The following ENO3 variants were observed in gnomAD, a reference collection of about 807,000 sequenced individuals.
The protein encoded by ENO3 is beta-enolase.
In ENO3, 46 loss-of-function variants were observed where a neutral mutation model predicts 47.7. That is an observed-to-expected ratio of 0.96 (90% CI 0.76 to 1.23). The LOEUF is 1.23. Among genes scored for constraint, ENO3 ranks in the 50% most tolerant of loss-of-function variants. The pLI is 0.00. For missense variants in ENO3, 575 were observed against 566.2 expected (o/e 1.02, Z -0.16); for synonymous variants, 223 against 225.9 (o/e 0.99, Z 0.11).
intron 5 of ENO3, 149 bp from the exon 6 acceptor site, chr17:4,953,563 G>A (rs1010490103): frequency 6.7e-6 from 10 of 1,487,864 alleles, no homozygotes; most frequent in South Asian, 1.2e-5. Flanking sequence ...CCCCGGGGTG[G>A]GGGTTCCCAG....
upstream of ENO3, chr17:4,950,104 G>A (rs985788360): frequency 7.9e-5 from 12 of 152,068 alleles, no homozygotes; most frequent in Non-Finnish European, 1.5e-4. Flanking sequence ...GGGCGGCGGG[G>A]GTGAGTCACC....
rs371775211 is a variant in ENO3, at chr17:4,951,335, G to A, written c.-3+153G>A. 78 of 965,758 alleles carry A rather than the reference G, an allele frequency of 8.1e-5. No individual in the cohort carries two copies. The South Asian group carries it at 2.5e-3, about 31-fold the overall frequency. 59.8% of individuals were successfully genotyped at this position (965,758 alleles called of 1,614,324 possible). On this transcript the variant is annotated intron_variant, in intron 1 of 11. Coordinates refer to ENST00000519602, the MANE Select transcript of ENO3 (RefSeq NM_053013.4). ...GAAGGGGCGGCTGGAGCAAGCAGAT[G>A]GGACAAACTCTGGGAACACCGAAGG...
At position 4,956,612 on chromosome 17, in the gene ENO3, G is replaced by T; in HGVS notation, c.1107G>T (p.Val369=). ...LAQSNGWGVM[V]SHRSGETEDT... ...AGTCTAATGGCTGGGGGGTGATGGT[G>T]AGCCACCGCTCTGGGGAGACTGAGG... is the stretch of plus-strand genomic sequence containing the variant. Residue 369 remains valine, a synonymous_variant, in exon 10 of 12, where the codon GTG becomes GTT. Transcript: ENST00000519602. 1 of 1,614,164 alleles carries T rather than the reference G, an allele frequency of 6.2e-7. No homozygotes were observed. Among genetic ancestry groups the T allele is most frequent in the South Asian group, 1.1e-5 (1 of 91,080 alleles).
At chr17:4,951,638 G>T (rs758167899) in intron 1 of ENO3, 190 bp from the exon 2 acceptor site, 2 of 632,290 alleles carry the variant, frequency 3.2e-6, no homozygotes, top group East Asian at 6.0e-5. Context: ...TAGGATGGGA[G>T]GGTGGAATAA....
Position 4,956,596 on chromosome 17 carries a change from G to A in ENO3, c.1091G>A (p.Gly364Asp). Residue 364 changes from glycine to aspartate, a missense_variant, in exon 10 of 12, where the codon GGC becomes GAC. Gly to Asp is a moderately conservative substitution (Grantham distance 94). Transcript: ENST00000519602. Reference sequence around the variant, plus strand: ...AGGTGCAAACTGGCTCAGTCTAATGGCTGGGGGGTGATGGTGAGCCACCGC... The same window carrying A: ...AGGTGCAAACTGGCTCAGTCTAATGACTGGGGGGTGATGGTGAGCCACCGC... ...IQACKLAQSN[G>D]WGVMVSHRSG... 1 of 1,614,174 alleles carries A rather than the reference G, an allele frequency of 6.2e-7. No individual in the cohort carries two copies. Among genetic ancestry groups the A allele is most frequent in the Non-Finnish European group, 8.5e-7 (1 of 1,180,036 alleles).
At position 4,955,610 on chromosome 17, in the gene ENO3, G is replaced by T; in HGVS notation, c.865+6G>T. 1 of 1,614,216 alleles carries T rather than the reference G, an allele frequency of 6.2e-7. No homozygotes were observed. The highest frequency in any genetic ancestry group is 8.5e-7 in the Non-Finnish European group (1 of 1,180,032). On this transcript the variant is annotated splice_donor_region_variant and intron_variant, in intron 8 of 11. Transcript: ENST00000519602. ...CTTTATCAAGAACTATCCTGGTGAG[G>T]CGTTCGGGTGTCCCAGTGTTCCTGC...
rs1482770347 is a variant in ENO3 at position 4,956,437 on chromosome 17, A to G, written c.1068-136A>G. On this transcript the variant is annotated intron_variant, in intron 9 of 11. Coordinates refer to ENST00000519602, the MANE Select transcript of ENO3 (RefSeq NM_053013.4). ...ATCAAGATAAGTCTTTTCCTCTCCT[A>G]CTTCCCAAAGAACTTAGTCACTGCC... 11 of 896,190 alleles carry G rather than the reference A, an allele frequency of 1.2e-5. 1 individual carries two copies. Among genetic ancestry groups the G allele is most frequent in the South Asian group, 1.2e-4 (9 of 74,594 alleles). 55.5% of individuals were successfully genotyped at this position (896,190 alleles called of 1,614,324 possible).
chr17:4,952,639 T>G (rs1971576437), intron 2 of ENO3, among the ~76,000 whole-genome samples, 156 bp from the exon 3 acceptor site: 1 of 151,992 alleles, frequency 6.6e-6, no homozygotes, highest in Non-Finnish European at 1.5e-5. Context: ...AATTTTTGTA[T>G]TTTTAGCAGA....
chr17:4,956,250 C>CACCTGACTTACCCACACCTTG, intron 9 of ENO3, 107 bp downstream of exon 9: 2 of 1,325,702 alleles, frequency 1.5e-6, no homozygotes, highest in Non-Finnish European at 2.1e-6. Context: ...TTTCCCCTGG[C>CACCTGACTTACCCACACCTTG]ACCTGACTTA....
Position 4,956,849 on chromosome 17 carries a change from T to C in ENO3, c.1195T>C (p.Cys399Arg). The stretch of plus-strand genomic sequence containing the variant: ...TCATCAGATCAAGACTGGCGCCCCC[T>C]GCCGCTCGGAGCGTCTGGCCAAATA... Reference protein sequence around the residue: ...CTGQIKTGAPCRSERLAKYNQ... With the variant: ...CTGQIKTGAPRRSERLAKYNQ... Residue 399 changes from cysteine to arginine, a missense_variant, in exon 11 of 12, where the codon TGC becomes CGC. Physicochemically the swap from Cys to Arg is radical, Grantham distance 180. Coordinates refer to ENST00000519602, the MANE Select transcript of ENO3 (RefSeq NM_053013.4). 1.9e-6 allele frequency: 3 copies of C among 1,614,202 alleles called. No homozygotes were observed. Among genetic ancestry groups the C allele is most frequent in the South Asian group, 2.2e-5 (2 of 91,086 alleles).
rs770788289 is a variant in ENO3, at chr17:4,955,221, G to C, written c.591G>C (p.Lys197Asn). Residue 197 changes from lysine to asparagine, a missense_variant, in exon 7 of 12, where the codon AAG (lysine) becomes AAC (asparagine). Lys to Asn is a moderately conservative substitution (Grantham distance 94). Transcript: ENST00000519602. ...ACCACCACCTCAAGGGGGTCATCAA[G>C]GCCAAGTATGGGAAGGATGCCACCA... is the stretch of plus-strand genomic sequence containing the variant. ...EVYHHLKGVI[K>N]AKYGKDATNV... 1 of 1,614,286 alleles carries C rather than the reference G, an allele frequency of 6.2e-7. No homozygotes were observed. The highest frequency in any genetic ancestry group is 8.5e-7 in the Non-Finnish European group (1 of 1,180,054).
intron 6 of ENO3, 167 bp downstream of exon 6, chr17:4,954,012 A>AGGCT: frequency 9.6e-7 from 1 of 1,043,756 alleles, no homozygotes; most frequent in East Asian, 2.6e-5. Flanking sequence ...CTCTTCCACA[A>AGGCT]TCCAAACCTT....
In ENO3 at chr17:4,956,814, T is replaced by C. The variant is rs2151144779; in HGVS notation, c.1177-17T>C. 2 of 1,614,072 alleles carry C rather than the reference T, an allele frequency of 1.2e-6. No homozygotes were observed. The highest frequency in any genetic ancestry group is 1.7e-6 in the Non-Finnish European group (2 of 1,179,980). On this transcript the variant is annotated splice_polypyrimidine_tract_variant and intron_variant, in intron 10 of 11. Transcript: ENST00000519602. ...TCCAGCCTCACCTAACCCTCCAAAT[T>C]CTTCTTCCCTCATCAGATCAAGACT...
chr17:4,954,092 G>C (rs921449276), intron 6 of ENO3: 1 of 609,184 alleles, frequency 1.6e-6, no homozygotes. Flanking sequence ...TCCTAGGCTC[G>C]ATAACTCCAG....
intron 1 of ENO3, 119 bp from the exon 2 acceptor site, chr17:4,951,709 G>C (rs1388049455): frequency 6.4e-6 from 7 of 1,100,260 alleles, no homozygotes; most frequent in Non-Finnish European, 9.7e-6. Flanking sequence ...CCTTTTTGTA[G>C]GGTATTTTTA....
At chr17:4,952,343 A>ATT (rs11310549) in intron 2 of ENO3, 7,392 of 251,126 alleles carry the variant, frequency 0.029, 3 homozygotes, top group South Asian at 0.037. Context: ...CGCCCAGCTA[A>ATT]TTTTTTTTTT....
Position 4,955,412 on chromosome 17 carries a change from G to C in ENO3, c.673G>C (p.Glu225Gln). The change falls in exon 8 of 12, where the codon GAG (glutamate) becomes CAG (glutamine). Residue 225 changes from glutamate (E) to glutamine (Q), a missense_variant. By Grantham distance (29) the Glu-to-Gln change is conservative. Transcript: ENST00000519602. ...PNILENNEAL[E>Q]LLKTAIQAAG... ...CTTTCTTGGTCCTCCCCCAGCCCTG[G>C]AGCTGCTGAAGACGGCCATCCAGGC... 1 of 1,614,200 alleles carries C rather than the reference G, an allele frequency of 6.2e-7. No homozygotes were observed. The highest frequency in any genetic ancestry group is 8.5e-7 in the Non-Finnish European group (1 of 1,180,008).
rs541647294 is a variant in ENO3, at chr17:4,955,439, G to T, written c.700G>T (p.Ala234Ser). ...GCTGCTGAAGACGGCCATCCAGGCG[G>T]CTGGTTACCCAGACAAGGTGGTGAT... ...LELLKTAIQA[A>S]GYPDKVVIGM... The change falls in exon 8 of 12, where the codon GCT becomes TCT. Residue 234 changes from alanine to serine, a missense_variant. By Grantham distance (99) the Ala-to-Ser change is moderately conservative. Transcript: ENST00000519602. The T allele has an allele frequency of 6.2e-7, 1 of 1,614,144 alleles. No homozygotes were observed. Among genetic ancestry groups the T allele is most frequent in the East Asian group, 2.2e-5 (1 of 44,902 alleles).
intron 9 of ENO3, 156 bp from the exon 10 acceptor site, chr17:4,956,417 G>A (rs952210298): frequency 1.2e-6 from 1 of 817,930 alleles, no homozygotes; most frequent in Non-Finnish European, 2.1e-6. Context: ...CCGAAATCAA[G>A]ATAAGTCTTT....
Sources: allele counts gnomAD v4.1 joint callset (sites outside exome capture counted in the v4.1 genomes callset), GRCh38; gene constraint gnomAD v4.1.1; transcripts MANE v1.5; gene names NCBI Gene and HGNC (gene_info 2026-07-23, HGNC 2026-07-21).